SLC6A17: variants seen among roughly 807,000 people sequenced by gnomAD.
SLC6A17 encodes the protein sodium-dependent neutral amino acid transporter SLC6A17.
Under a neutral mutation model 64.5 loss-of-function variants are expected in SLC6A17, and 21 were observed. That is an observed-to-expected ratio of 0.33 (90% confidence interval 0.23 to 0.47). The LOEUF (loss-of-function observed/expected upper bound fraction) is 0.47, where lower values mean the gene tolerates loss of function less well. SLC6A17 is among the 20% of genes least tolerant of loss of function. SLC6A17 has a pLI of 1.00. For missense variants in SLC6A17, 682 were observed against 963.2 expected (o/e 0.71, Z 3.86); for synonymous variants, 372 against 399.5 (o/e 0.93, Z 0.82).
intron 3 of SLC6A17, 79 bp from the exon 4 acceptor site, chr1:110,173,894 T>TCA: frequency 1.3e-6 from 2 of 1,508,854 alleles, no homozygotes; most frequent in Non-Finnish European, 1.8e-6. Context: ...GCTGCCGACG[T>TCA]GCTGGGCCTC....
At chr1:110,151,203 C>A (rs376806294) in intron 1 of SLC6A17, among the ~76,000 whole-genome samples, 11 of 152,348 alleles carry the variant, frequency 7.2e-5, no homozygotes, top group African/African-American at 2.6e-4. Context: ...GCTGCGGAGG[C>A]AAGCGCCCGC....
chr1:110,184,267 T>C (rs1656618489), intron 6 of SLC6A17, among the ~76,000 whole-genome samples: 1 of 152,106 alleles, frequency 6.6e-6, no homozygotes, highest in Non-Finnish European at 1.5e-5. Context: ...TGTGCCACAA[T>C]GCCCGGCTAA....
chr1:110,157,275 A>G (rs1655783074), intron 1 of SLC6A17, among the ~76,000 whole-genome samples: 1 of 152,108 alleles, frequency 6.6e-6, no homozygotes, highest in Admixed American at 6.5e-5. Flanking sequence ...ATTGATCCCT[A>G]TAAAAACAGT....
chr1:110,157,956 C>T (rs1655803661), intron 1 of SLC6A17, among the ~76,000 whole-genome samples: 3 of 152,198 alleles, frequency 2.0e-5, no homozygotes, highest in Admixed American at 2.0e-4. Context: ...GTCCTTACCC[C>T]CATCTCTGTT....
Position 110,195,597 on chromosome 1 carries a change from G to A in SLC6A17, c.1504G>A (p.Val502Ile). The A allele has an allele frequency of 6.2e-7, 1 of 1,614,168 alleles. No individual in the cohort carries two copies. Among genetic ancestry groups the A allele is most frequent in the Non-Finnish European group, 8.5e-7 (1 of 1,180,030 alleles). ...PKEMFTVGCCVFAFLVGLLFV... is the reference protein window; with the variant it reads ...PKEMFTVGCCIFAFLVGLLFV... ...CCGGCTCTCTGTAGTGGGCTGCTGT[G>A]TCTTTGCATTCCTCGTGGGGCTGTT... is the stretch of plus-strand genomic sequence containing the variant. The change falls in exon 10 of 12, where the codon GTC becomes ATC. Residue 502 changes from valine to isoleucine, a missense_variant. Val to Ile is a conservative substitution (Grantham distance 29). Transcript: ENST00000331565.
chr1:110,191,265 C>T (rs1656818140), intron 6 of SLC6A17, among the ~76,000 whole-genome samples: 2 of 152,132 alleles, frequency 1.3e-5, no homozygotes, highest in Non-Finnish European at 2.9e-5. Flanking sequence ...AGGCTTGGTC[C>T]CTGCCCCAAG....
intron 2 of SLC6A17, 47 bp downstream of exon 2, chr1:110,167,262 G>A (rs372918417): frequency 1.1e-5 from 17 of 1,566,270 alleles, no homozygotes; most frequent in Admixed American, 1.8e-5. Flanking sequence ...CAAATAGGCC[G>A]GGGATGAGGG....
At position 110,172,149 on chromosome 1, in the gene SLC6A17, C is replaced by T. The variant is rs1446781497; in HGVS notation, c.376C>T (p.Arg126Cys). The change falls in exon 3 of 12, where the codon CGC (arginine) becomes TGC (cysteine). Residue 126 changes from arginine to cysteine, a missense_variant. By Grantham distance (180) the Arg-to-Cys change is radical. Coordinates refer to ENST00000331565, the MANE Select transcript of SLC6A17 (RefSeq NM_001010898.4). ...GCTGGCTGTGGGTCAGAGGATCCGC[C>T]GCGGCAGCATCGGTGTGTGGCACTA... ...LELAVGQRIRRGSIGVWHYIC... is the reference protein window; with the variant it reads ...LELAVGQRIRCGSIGVWHYIC... The T allele has an allele frequency of 1.1e-5, 18 of 1,613,430 alleles. No individual in the cohort carries two copies. Among genetic ancestry groups the T allele is most frequent in the African/African-American group, 2.7e-5 (2 of 74,880 alleles).
chr1:110,176,214 G>T (rs920048896), intron 5 of SLC6A17, among the ~76,000 whole-genome samples: 1 of 152,118 alleles, frequency 6.6e-6, no homozygotes. Context: ...TTTGGGAGCC[G>T]TGTCTATAAC....
intron 6 of SLC6A17, among the ~76,000 whole-genome samples, chr1:110,191,560 A>G (rs764118428): frequency 7.9e-5 from 12 of 152,246 alleles, no homozygotes; most frequent in African/African-American, 2.9e-4. Flanking sequence ...CTGCTGTGCA[A>G]GCTGTTCACT....
chr1:110,199,766 C>G lies in SLC6A17; in HGVS notation c.*1322C>G, dbSNP rs1446477861. The stretch of plus-strand genomic sequence containing the variant: ...CCCCACCTGCCATTACCTTCAGGGC[C>G]TCCTCTGGAAGAGAACCCATTCTCA... On this transcript the variant is annotated 3_prime_UTR_variant, in exon 12 of 12. Transcript: ENST00000331565. 7.6e-6 allele frequency: 3 copies of G among 393,078 alleles called. No individual in the cohort carries two copies. The highest frequency in any genetic ancestry group is 6.2e-5 in the African/African-American group (3 of 48,528). The allele number at this position is 393,078 out of a possible 1,614,324, so 24.3% of individuals were successfully genotyped here. A position where few individuals can be genotyped will look rare whatever the true frequency, so the allele number is the denominator to read the frequency against.
chr1:110,187,195 T>C (rs890220796), intron 6 of SLC6A17, among the ~76,000 whole-genome samples: 1 of 79,434 alleles, frequency 1.3e-5, no homozygotes, highest in African/African-American at 2.9e-5. Flanking sequence ...CAATGAACAA[T>C]TCGCTAATCA....
chr1:110,181,884 C>T (rs1415115519), intron 6 of SLC6A17, among the ~76,000 whole-genome samples: 3 of 152,006 alleles, frequency 2.0e-5, no homozygotes, highest in African/African-American at 4.8e-5. Flanking sequence ...GACGTATGGT[C>T]GGTAGTAATG....
intron 1 of SLC6A17, among the ~76,000 whole-genome samples, chr1:110,157,503 G>T (rs889343593): frequency 2.0e-5 from 3 of 152,142 alleles, no homozygotes; most frequent in African/African-American, 7.2e-5. Flanking sequence ...AACCCGGGAG[G>T]TGGAGGTTGC....
At chr1:110,176,028 C>A (rs918822313) in intron 5 of SLC6A17, among the ~76,000 whole-genome samples, 1 of 152,210 alleles carries the variant, frequency 6.6e-6, no homozygotes, top group African/African-American at 2.4e-5. Flanking sequence ...CTTTACACCA[C>A]CCTGCCCAAA....
intron 6 of SLC6A17, among the ~76,000 whole-genome samples, chr1:110,187,977 A>G (rs1395644629): frequency 6.6e-6 from 1 of 152,254 alleles, no homozygotes; most frequent in Non-Finnish European, 1.5e-5. Context: ...ATGAAAAACA[A>G]AAATTGGTTT....
At chr1:110,155,373 A>G (rs946124303) in intron 1 of SLC6A17, among the ~76,000 whole-genome samples, 3 of 152,226 alleles carry the variant, frequency 2.0e-5, no homozygotes, top group Non-Finnish European at 2.9e-5. Context: ...CAGAAAATTC[A>G]CATGTAAGAA....
chr1:110,184,291 T>C (rs1194032655), intron 6 of SLC6A17, among the ~76,000 whole-genome samples: 1 of 152,070 alleles, frequency 6.6e-6, no homozygotes, highest in Non-Finnish European at 1.5e-5. Flanking sequence ...TTTGTATTTT[T>C]AGTAGGGGTT....
chr1:110,172,190 G>C lies in SLC6A17; in HGVS notation c.417G>C (p.Leu139=). ...TGTGGCACTATATATGTCCCCGCCT[G>C]GGGGGCATCGGCTTCTCCAGCTGCA... ...IGVWHYICPR[L]GGIGFSSCIV... is the part of the protein sequence containing the mutation. The change falls in exon 3 of 12, where the codon CTG becomes CTC. Residue 139 remains leucine (L), a synonymous_variant. Transcript: ENST00000331565. The C allele has an allele frequency of 2.5e-6, 4 of 1,600,718 alleles. No individual in the cohort carries two copies. Among genetic ancestry groups the C allele is most frequent in the Non-Finnish European group, 3.4e-6 (4 of 1,173,884 alleles).
Sources: gnomAD v4.1 joint callset for allele counts (sites outside exome capture counted in the v4.1 genomes callset) on GRCh38, gnomAD v4.1.1 for gene constraint, MANE v1.5 for transcripts, NCBI Gene and HGNC (gene_info 2026-07-23, HGNC 2026-07-21) for gene names.